Variants in MKKS observed in about 807,000 individuals in gnomAD.
MKKS encodes the protein MKKS centrosomal shuttling protein.
MKKS carries 29 observed loss-of-function variants against 33.2 expected under a neutral mutation model. That is an observed-to-expected ratio of 0.87 (90% CI 0.65 to 1.19). The LOEUF (loss-of-function observed/expected upper bound fraction) is 1.19, where lower values mean the gene tolerates loss of function less well. Ranked by LOEUF, MKKS falls within the 50% of genes most tolerant of loss-of-function variation. MKKS has a pLI of 0.00. For synonymous variants in MKKS, 260 were observed against 244.0 expected (o/e 1.07, Z -0.61); for missense variants, 661 against 662.3 (o/e 1.00, Z 0.02).
In MKKS at chr20:10,401,666, T is replaced by C. The variant is rs2064812477; in HGVS notation, c.*3581A>G. On this transcript the variant is annotated 3_prime_UTR_variant, in exon 6 of 6. Transcript: ENST00000347364. Reference sequence around the variant, plus strand: ...TTATCCAAAGAACTGCTCAACAATATGAACAACAATATGAAAATACATAGT... The same window carrying C: ...TTATCCAAAGAACTGCTCAACAATACGAACAACAATATGAAAATACATAGT... The C allele has an allele frequency of 6.6e-6, 1 of 152,186 alleles. No individual in the cohort carries two copies. Among genetic ancestry groups the C allele is most frequent in the African/African-American group, 2.4e-5 (1 of 41,452 alleles). 9.4% of individuals were successfully genotyped at this position (152,186 alleles called of 1,614,324 possible).
intron 1 of MKKS, among the ~76,000 whole-genome samples, chr20:10,424,715 T>G (rs1423515358): frequency 6.6e-6 from 1 of 152,334 alleles, no homozygotes; most frequent in Non-Finnish European, 1.5e-5. Context: ...CAATTTAAAT[T>G]TAGCACTTTT....
At chr20:10,426,587 C>T (rs967764642) in intron 1 of MKKS, among the ~76,000 whole-genome samples, 21 of 152,152 alleles carry the variant, frequency 1.4e-4, no homozygotes, top group African/African-American at 2.9e-4. Context: ...TTAGTAGAGA[C>T]GGGGTTTCAC....
chr20:10,408,666 G>A lies in MKKS; in HGVS notation c.1123C>T (p.Leu375Phe). The A allele has an allele frequency of 1.2e-6, 2 of 1,614,030 alleles. No individual in the cohort carries two copies. Among genetic ancestry groups the A allele is most frequent in the East Asian group, 4.5e-5 (2 of 44,848 alleles). ...CAGGCAGTGTCATTTCTGTTGCAGA[G>A]AAGCAAGCTGCAGATTGTTGCTTCA... The part of the protein sequence containing the change: ...PNEATICSLL[L>F]CNRNDTAWDE... Residue 375 changes from leucine to phenylalanine, a missense_variant, in exon 4 of 6, where the codon CTC becomes TTC. Transcript: ENST00000347364.
At chr20:10,423,904 T>C (rs543808203) in intron 1 of MKKS, among the ~76,000 whole-genome samples, 1 of 152,374 alleles carries the variant, frequency 6.6e-6, no homozygotes, top group East Asian at 1.9e-4. Context: ...ACTGATTTAA[T>C]GATTAATTGC....
intron 1 of MKKS, among the ~76,000 whole-genome samples, chr20:10,423,122 GA>G (rs1023143285): frequency 3.8e-4 from 57 of 150,974 alleles, no homozygotes; most frequent in African/African-American, 1.1e-3. Context: ...TAAACTCAAG[GA>G]AAAAAAACCC....
intron 2 of MKKS, among the ~76,000 whole-genome samples, chr20:10,414,422 T>C (rs1375927458): frequency 6.6e-6 from 1 of 152,054 alleles, no homozygotes; most frequent in Non-Finnish European, 1.5e-5. Flanking sequence ...TGCGCCACCA[T>C]GCCCAGCTAA....
At chr20:10,415,686 A>T (rs1292677294) in intron 2 of MKKS, among the ~76,000 whole-genome samples, 1 of 152,234 alleles carries the variant, frequency 6.6e-6, no homozygotes, top group Non-Finnish European at 1.5e-5. Flanking sequence ...GCACGTTAAA[A>T]CTTACATACA....
At chr20:10,427,063 C>CACACACACACACACACAA in intron 1 of MKKS, among the ~76,000 whole-genome samples, 1 of 145,516 alleles carries the variant, frequency 6.9e-6, no homozygotes, top group African/African-American at 2.5e-5. Context: ...CACACACACA[C>CACACACACACACACACAA]ACACACACAC....
At chr20:10,423,609 AC>A (rs1276066027) in intron 1 of MKKS, among the ~76,000 whole-genome samples, 1 of 152,124 alleles carries the variant, frequency 6.6e-6, no homozygotes, top group Non-Finnish European at 1.5e-5. Context: ...CATAGTATGA[AC>A]CCTCTTTGAG....
chr20:10,426,959 C>T (rs2065018166), intron 1 of MKKS, among the ~76,000 whole-genome samples: 1 of 150,842 alleles, frequency 6.6e-6, no homozygotes. Context: ...GGAGAACTTG[C>T]TATGCTTCTA....
intron 1 of MKKS, among the ~76,000 whole-genome samples, chr20:10,428,439 C>T (rs1346923156): frequency 3.3e-5 from 5 of 152,166 alleles, no homozygotes; most frequent in African/African-American, 1.2e-4. Context: ...ATTGTATGCT[C>T]CACCTTCATT....
Position 10,405,482 on chromosome 20 carries a change from A to G in MKKS, c.1478T>C (p.Leu493Ser). The change falls in exon 6 of 6, where the codon TTG (leucine) becomes TCG (serine). Residue 493 changes from leucine (L) to serine (S), a missense_variant. Coordinates refer to ENST00000347364, the MANE Select transcript of MKKS (RefSeq NM_170784.3). The stretch of plus-strand genomic sequence containing the variant: ...TAATCCACAGCCACACTGTGAAAGC[A>G]AATCTGGCCAGTTAGCAACACAGGG... Reference protein sequence around the residue: ...DSPCVANWPDLLSQCGCGLYN... With the variant: ...DSPCVANWPDSLSQCGCGLYN... 6.2e-7 allele frequency: 1 copy of G among 1,614,216 alleles called. No homozygotes were observed. The highest frequency in any genetic ancestry group is 8.5e-7 in the Non-Finnish European group (1 of 1,180,040).
intron 2 of MKKS, among the ~76,000 whole-genome samples, chr20:10,414,173 T>C (rs2064919498): frequency 6.6e-6 from 1 of 152,004 alleles, no homozygotes; most frequent in Non-Finnish European, 1.5e-5. Context: ...CACAACAACA[T>C]GGCTAGAAAG....
chr20:10,416,051 A>G (rs964223331), intron 2 of MKKS, among the ~76,000 whole-genome samples: 2 of 152,202 alleles, frequency 1.3e-5, no homozygotes, highest in African/African-American at 4.8e-5. Flanking sequence ...GTTCAGCTCT[A>G]TTAAAACTCT....
chr20:10,426,189 T>C (rs186686643), intron 1 of MKKS, among the ~76,000 whole-genome samples: 46 of 152,362 alleles, frequency 3.0e-4, no homozygotes, highest in Admixed American at 2.1e-3. Flanking sequence ...TACTGTCAGT[T>C]AACTGTGGCA....
rs1357874271 is a variant in MKKS, at chr20:10,412,720, C to T, written c.795G>A (p.Gly265=). 1 of 1,614,124 alleles carries T rather than the reference C, an allele frequency of 6.2e-7. No individual in the cohort carries two copies. Among genetic ancestry groups the T allele is most frequent in the Non-Finnish European group, 8.5e-7 (1 of 1,180,024 alleles). ...CCAAGACTGCATTTTCAAGAGAAAC[C>T]CCATAACTGACCACCACAGTTCCTT... is the stretch of plus-strand genomic sequence containing the variant. ...TGEGTVVVSY[G]VSLENAVLDQ... is the part of the protein sequence containing the mutation. The change falls in exon 3 of 6, where the codon GGG becomes GGA. Residue 265 remains glycine (G), a synonymous_variant. Transcript: ENST00000347364.
chr20:10,413,721 A>G lies in MKKS; in HGVS notation c.-207T>C. The stretch of plus-strand genomic sequence containing the variant: ...TTTAATGACAAATTAGTAATTCCAA[A>G]TATTTATTTTACTTCACTCTTCAAT... On this transcript the variant is annotated 5_prime_UTR_variant, in exon 3 of 6. Coordinates refer to ENST00000347364, the MANE Select transcript of MKKS (RefSeq NM_170784.3). 1 of 620,128 alleles carries G rather than the reference A, an allele frequency of 1.6e-6. No homozygotes were observed. The highest frequency in any genetic ancestry group is 2.8e-6 in the Non-Finnish European group (1 of 356,758). The allele number at this position is 620,128 out of a possible 1,614,324, so 38.4% of individuals were successfully genotyped here. A position where few individuals can be genotyped will look rare whatever the true frequency, so the allele number is the denominator to read the frequency against.
chr20:10,421,416 CAAA>C (rs57038274), intron 1 of MKKS, among the ~76,000 whole-genome samples: 141 of 86,118 alleles, frequency 1.6e-3, no homozygotes, highest in Middle Eastern at 7.9e-3. Flanking sequence ...GACTCCATCA[CAAA>C]AAAAAAAAAA....
intron 1 of MKKS, among the ~76,000 whole-genome samples, chr20:10,433,163 C>T (rs1301362198): frequency 6.6e-6 from 1 of 152,226 alleles, no homozygotes; most frequent in African/African-American, 2.4e-5. Flanking sequence ...GCCACTGCGC[C>T]CGGCTCATTT....
Sources: allele counts gnomAD v4.1 joint callset (sites outside exome capture counted in the v4.1 genomes callset), GRCh38; gene constraint gnomAD v4.1.1; transcripts MANE v1.5; gene names NCBI Gene and HGNC (gene_info 2026-07-23, HGNC 2026-07-21).